Variants in LAMA2 observed in about 807,000 individuals in gnomAD.
LAMA2 encodes laminin subunit alpha 2, also known as laminin subunit alpha-2.
Under a neutral mutation model 364.8 loss-of-function variants are expected in LAMA2, and 269 were observed. That is an observed-to-expected ratio of 0.74 (90% CI 0.67 to 0.82). The LOEUF (loss-of-function observed/expected upper bound fraction) is 0.82. Ranked by LOEUF, LAMA2 falls within the 40% of genes least tolerant of loss-of-function variation. The probability of loss-of-function intolerance (pLI) is 0.00; values close to 1 mark genes in which losing one functional copy is unlikely to be tolerated. For synonymous variants in LAMA2, 1,379 were observed against 1,370.6 expected (o/e 1.01, Z -0.14); for missense variants, 3,807 against 3,873.2 (o/e 0.98, Z 0.45).
At chr6:129,516,094 A>C (rs1787047086) in intron 64 of LAMA2, 96 bp from the exon 65 acceptor site, 1 of 1,343,152 alleles carries the variant, frequency 7.4e-7, no homozygotes, top group African/African-American at 1.4e-5. Flanking sequence ...ACAGCATTCC[A>C]ATTTAATCTC....
chr6:129,244,500 T>TC (rs1423085894), intron 12 of LAMA2, among the ~76,000 whole-genome samples: 1 of 152,102 alleles, frequency 6.6e-6, no homozygotes, highest in African/African-American at 2.4e-5. Flanking sequence ...AAAGCCTTTT[T>TC]CTCATTTGAT....
chr6:129,402,511 G>C lies in LAMA2; in HGVS notation c.5726+24G>C, dbSNP rs773764308. On this transcript the variant is annotated intron_variant, in intron 39 of 64. Coordinates refer to ENST00000421865, the MANE Select transcript of LAMA2 (RefSeq NM_000426.4). ...GGGTATGTCATTTGTTTTTGGAAAT[G>C]TTTGTGTATTTTGATGCTTGTCCAA... 15 of 1,612,038 alleles carry C rather than the reference G, an allele frequency of 9.3e-6. No individual in the cohort carries two copies. The South Asian group carries it at 1.5e-4, about 17-fold the overall frequency.
intron 29 of LAMA2, among the ~76,000 whole-genome samples, chr6:129,336,482 T>C (rs1167406173): frequency 6.6e-6 from 1 of 152,186 alleles, no homozygotes; most frequent in Non-Finnish European, 1.5e-5. Flanking sequence ...TCCAAAACTG[T>C]GTATGTACCA....
chr6:128,929,277 T>C, intron 1 of LAMA2: 1 of 1,341,736 alleles, frequency 7.5e-7, no homozygotes, highest in Non-Finnish European at 1.1e-6. Context: ...TTCCCGTCAT[T>C]GATGCGGATC....
At chr6:129,408,853 C>G (rs971211217) in intron 40 of LAMA2, among the ~76,000 whole-genome samples, 5 of 152,154 alleles carry the variant, frequency 3.3e-5, no homozygotes, top group Non-Finnish European at 7.3e-5. Context: ...GTGGTGTACA[C>G]AGAATGAGTC....
At chr6:129,270,483 C>G (rs1381676062) in intron 16 of LAMA2, 141 bp from the exon 17 acceptor site, 4 of 769,204 alleles carry the variant, frequency 5.2e-6, no homozygotes, top group East Asian at 5.2e-5. Flanking sequence ...TGCTATTTCT[C>G]TGCTGTAAAA....
At chr6:129,477,484 T>TTAA (rs1304116660) in intron 53 of LAMA2, among the ~76,000 whole-genome samples, 6 of 152,186 alleles carry the variant, frequency 3.9e-5, no homozygotes, top group African/African-American at 7.2e-5. Context: ...ATGATTATTA[T>TTAA]TATCATGCCC....
At chr6:129,045,467 A>T (rs951383895) in intron 1 of LAMA2, among the ~76,000 whole-genome samples, 1 of 152,218 alleles carries the variant, frequency 6.6e-6, no homozygotes, top group Non-Finnish European at 1.5e-5. Flanking sequence ...CATAGTTATC[A>T]ATCTTACTAA....
chr6:129,036,247 T>C lies in LAMA2; in HGVS notation c.113-13671T>C, dbSNP rs117119173. Reference sequence around the variant, plus strand: ...AATGTATTCCTAGGTATTTCACTTTTAATAGTTATTTTCTTATGTATGTCT... The same window carrying C: ...AATGTATTCCTAGGTATTTCACTTTCAATAGTTATTTTCTTATGTATGTCT... On this transcript the variant is annotated intron_variant, in intron 1 of 64. Coordinates refer to ENST00000421865, the MANE Select transcript of LAMA2 (RefSeq NM_000426.4). 1.7e-3 allele frequency among the ~76,000 whole-genome samples: 254 copies of C among 152,294 alleles called. 2 individuals are homozygous for C. The highest frequency in any genetic ancestry group is 3.3e-3 in the Non-Finnish European group (222 of 67,988).
At chr6:129,170,723 A>T (rs1780086586) in intron 9 of LAMA2, among the ~76,000 whole-genome samples, 1 of 151,790 alleles carries the variant, frequency 6.6e-6, no homozygotes, top group African/African-American at 2.4e-5. Flanking sequence ...ATCCTTGTTG[A>T]CTTCTTGTTG....
At chr6:129,243,330 C>T (rs1222567908) in intron 12 of LAMA2, among the ~76,000 whole-genome samples, 1 of 152,070 alleles carries the variant, frequency 6.6e-6, no homozygotes, top group Non-Finnish European at 1.5e-5. Flanking sequence ...TCATGTTGGC[C>T]TCTCATTCCT....
chr6:129,359,275 A>C lies in LAMA2; in HGVS notation c.4717+5918A>C, dbSNP rs974726213. On this transcript the variant is annotated intron_variant, in intron 32 of 64. Coordinates refer to ENST00000421865, the MANE Select transcript of LAMA2 (RefSeq NM_000426.4). The stretch of plus-strand genomic sequence containing the variant: ...ATATATATAAAACACATATATCAAT[A>C]TTTAATATATAAAAATATATAAAAT... Among the ~76,000 whole-genome samples, 103 of 10,166 alleles carry C rather than the reference A, an allele frequency of 0.01. No homozygotes were observed. The Middle Eastern group carries it at 0.25, about 25-fold the overall frequency. The allele number at this position is 10,166 out of a possible 152,430, so 6.7% of individuals were successfully genotyped here.
intron 1 of LAMA2, among the ~76,000 whole-genome samples, chr6:128,983,448 C>A (rs1460812252): frequency 6.6e-6 from 1 of 152,088 alleles, no homozygotes; most frequent in African/African-American, 2.4e-5. Flanking sequence ...TTCCCATTGA[C>A]CATTCACATG....
chr6:129,308,899 G>T (rs532196410), intron 22 of LAMA2, among the ~76,000 whole-genome samples: 1 of 152,146 alleles, frequency 6.6e-6, no homozygotes, highest in Non-Finnish European at 1.5e-5. Context: ...GATCTTGCCG[G>T]TAGGAACTCA....
intron 1 of LAMA2, among the ~76,000 whole-genome samples, chr6:128,977,106 G>T (rs947280058): frequency 2.7e-5 from 4 of 148,560 alleles, no homozygotes; most frequent in African/African-American, 5.0e-5. Flanking sequence ...AAAGAACTTC[G>T]CATTGCTACA....
At chr6:129,448,402 A>G (rs1782500853) in intron 45 of LAMA2, among the ~76,000 whole-genome samples, 1 of 152,222 alleles carries the variant, frequency 6.6e-6, no homozygotes, top group African/African-American at 2.4e-5. Flanking sequence ...ATTACAACAC[A>G]ATGCCTTATT....
At chr6:128,923,269 A>G (rs1388068850) in intron 1 of LAMA2, among the ~76,000 whole-genome samples, 7 of 151,274 alleles carry the variant, frequency 4.6e-5, no homozygotes, top group East Asian at 3.9e-4. Context: ...GCTTGATGGG[A>G]ATGGCATTGA....
At position 129,460,251 on chromosome 6, in the gene LAMA2, T is replaced by C. The variant is rs2114801293; in HGVS notation, c.6919T>C (p.Tyr2307His). The C allele has an allele frequency of 1.9e-6, 3 of 1,612,014 alleles. No homozygotes were observed. The highest frequency in any genetic ancestry group is 2.5e-6 in the Non-Finnish European group (3 of 1,178,484). The change falls in exon 49 of 65, where the codon TAC (tyrosine) becomes CAC (histidine). Residue 2307 changes from tyrosine (Y) to histidine (H), a missense_variant. Around this residue, in one of 3 missense-constraint regions of LAMA2, gnomAD observed 3,333 missense variants for 3,345.7 expected, o/e 1.00. Transcript: ENST00000421865. ...ATTCACTGGCTGCATGGGAGAAACA[T>C]ACTTTGACAACAAACCTATAGGTTT... ...ITFTGCMGET[Y>H]FDNKPIGLWN...
chr6:129,203,302 A>G (rs1192433146), intron 12 of LAMA2, among the ~76,000 whole-genome samples: 2 of 152,186 alleles, frequency 1.3e-5, no homozygotes, highest in Non-Finnish European at 2.9e-5. Context: ...TCAGTGGGGA[A>G]CTATCTGTAT....
Sources: allele counts gnomAD v4.1 joint callset (sites outside exome capture counted in the v4.1 genomes callset), GRCh38; gene constraint gnomAD v4.1.1; regional missense constraint gnomAD v4.1.1; transcripts MANE v1.5; gene names NCBI Gene and HGNC (gene_info 2026-07-23, HGNC 2026-07-21).